OVOL2: variants seen among roughly 807,000 people sequenced by gnomAD.
OVOL2 encodes ovo like zinc finger 2, also known as transcription factor Ovo-like 2.
A neutral mutation model predicts 18.1 loss-of-function variants in OVOL2; 13 were observed. That is an observed-to-expected ratio of 0.72 (90% CI 0.47 to 1.14). The LOEUF (loss-of-function observed/expected upper bound fraction) is 1.14, where lower values mean the gene tolerates loss of function less well. OVOL2 is among the 50% of genes most tolerant of loss of function. The pLI is 0.00. For synonymous variants in OVOL2, 166 were observed against 162.7 expected (o/e 1.02, Z -0.16); for missense variants, 335 against 383.0 (o/e 0.87, Z 1.05).
intron 2 of OVOL2, among the ~76,000 whole-genome samples, chr20:18,053,348 T>A (rs980767276): frequency 1.3e-5 from 2 of 152,152 alleles, no homozygotes; most frequent in African/African-American, 4.8e-5. Context: ...GTCCTCCACT[T>A]TACAGATCAA....
At chr20:18,053,902 C>T (rs2036793423) in intron 2 of OVOL2, among the ~76,000 whole-genome samples, 1 of 152,074 alleles carries the variant, frequency 6.6e-6, no homozygotes, top group Non-Finnish European at 1.5e-5. Flanking sequence ...CTTCAGCCAC[C>T]AGAGCTTCAT....
rs1035429266 is a variant in OVOL2, at chr20:18,056,923, C to A, written c.101-46G>T. The A allele has an allele frequency of 4.2e-6, 6 of 1,438,298 alleles. No individual in the cohort carries two copies. Among genetic ancestry groups the A allele is most frequent in the South Asian group, 1.4e-5 (1 of 70,834 alleles). 89.1% of individuals were successfully genotyped at this position (1,438,298 alleles called of 1,614,324 possible). A position where few individuals can be genotyped will look rare whatever the true frequency, so the allele number is the denominator to read the frequency against. On this transcript the variant is annotated intron_variant, in intron 1 of 3. Transcript: ENST00000278780. The surrounding 1 kb of genome is among the most constrained non-coding windows in gnomAD (Gnocchi z 4.2). ...CCCCGACACACACACTCGGCGTCAA[C>A]CCGCACGCCCGCGGCAGTTTGACCT...
Position 18,041,639 on chromosome 20 carries a change from G to A in OVOL2, c.406C>T (p.Arg136Cys), listed in dbSNP as rs767218587. Residue 136 changes from arginine (R) to cysteine (C), a missense_variant, in exon 3 of 4, where the codon CGT becomes TGT. Transcript: ENST00000278780. ...ACCTGGTTGTGGCACTTGAGGTGAC[G>A]GTTCAGCATGCGCTGCAGACGGAAG... ...KGFRLQRMLN[R>C]HLKCHNQVKR... 3.6e-5 allele frequency: 58 copies of A among 1,613,970 alleles called. 1 individual carries two copies. The Admixed American group carries it at 6.7e-4, about 19-fold the overall frequency.
At chr20:18,043,449 G>A (rs756818162) in intron 2 of OVOL2, among the ~76,000 whole-genome samples, 125 of 152,238 alleles carry the variant, frequency 8.2e-4, no homozygotes, top group Non-Finnish European at 1.3e-3. Flanking sequence ...ATGCTGTGAG[G>A]AAGCCCAAGC....
intron 3 of OVOL2, among the ~76,000 whole-genome samples, chr20:18,036,573 C>T (rs940669625): frequency 6.6e-6 from 1 of 152,262 alleles, no homozygotes; most frequent in South Asian, 2.1e-4. Flanking sequence ...CATTCACTAA[C>T]TTAAATGATT....
At chr20:18,044,280 C>T (rs2036704147) in intron 2 of OVOL2, among the ~76,000 whole-genome samples, 1 of 152,132 alleles carries the variant, frequency 6.6e-6, no homozygotes, top group Non-Finnish European at 1.5e-5. Context: ...TGCTATATTC[C>T]ATCTCATTCC....
At chr20:18,046,827 A>G (rs1343118416) in intron 2 of OVOL2, among the ~76,000 whole-genome samples, 1 of 152,220 alleles carries the variant, frequency 6.6e-6, no homozygotes, top group Non-Finnish European at 1.5e-5. Flanking sequence ...AAAGTTAAAA[A>G]AGAGTTAATC....
intron 2 of OVOL2, among the ~76,000 whole-genome samples, chr20:18,054,078 A>T (rs561570587): frequency 6.6e-6 from 1 of 152,362 alleles, no homozygotes; most frequent in South Asian, 2.1e-4. Context: ...AGCAGAGTTA[A>T]TAATGTTTGT....
At chr20:18,041,852 C>A in intron 2 of OVOL2, 129 bp from the exon 3 acceptor site, 1 of 753,768 alleles carries the variant, frequency 1.3e-6, no homozygotes, top group Non-Finnish European at 2.0e-6. Context: ...AATTTTCAAG[C>A]AGGTTTTGGC....
At chr20:18,030,967 G>T (rs1227383733) in intron 3 of OVOL2, among the ~76,000 whole-genome samples, 1 of 152,138 alleles carries the variant, frequency 6.6e-6, no homozygotes, top group African/African-American at 2.4e-5. Context: ...CATTCAGGGG[G>T]ACGTGGGTGG....
At chr20:18,032,248 G>A (rs1600436249) in intron 3 of OVOL2, among the ~76,000 whole-genome samples, 1 of 147,208 alleles carries the variant, frequency 6.8e-6, no homozygotes, top group African/African-American at 2.5e-5. Context: ...AAGAAGGGAA[G>A]GAAAGAAGAG....
rs1017807537 is a variant in OVOL2 at position 18,056,675 on chromosome 20, G to T, written c.303C>A (p.Val101=). Residue 101 remains valine (V), a synonymous_variant, in exon 2 of 4, where the codon GTC becomes GTA. Coordinates refer to ENST00000278780, the MANE Select transcript of OVOL2 (RefSeq NM_021220.4). This position sits in a 1 kb window ranked among gnomAD's most constrained non-coding sequence, Gnocchi z 4.2. ...ACAGTACCTTGATTTTCGATCTGGC[G>T]ACCGGGCGCTGCTTGGTCGCCAGGT... ...DGHLATKQRP[V]ARSKIKFTTG... is the part of the protein sequence containing the mutation. 7.0e-7 allele frequency: 1 copy of T among 1,430,874 alleles called. No individual in the cohort carries two copies. 88.6% of individuals were successfully genotyped at this position (1,430,874 alleles called of 1,614,324 possible). A position where few individuals can be genotyped will look rare whatever the true frequency, so the allele number is the denominator to read the frequency against.
chr20:18,055,684 TCTCC>T (rs1330957987), intron 2 of OVOL2, among the ~76,000 whole-genome samples: 3 of 151,932 alleles, frequency 2.0e-5, no homozygotes, highest in African/African-American at 7.3e-5. Flanking sequence ...AAGCCCAGGC[TCTCC>T]CTCCCCACCG....
At chr20:18,044,680 G>A (rs1204414396) in intron 2 of OVOL2, among the ~76,000 whole-genome samples, 9 of 152,160 alleles carry the variant, frequency 5.9e-5, no homozygotes, top group Non-Finnish European at 1.3e-4. Flanking sequence ...GGGGGTGCAG[G>A]CAAGTCAACA....
chr20:18,025,936 G>C (rs1360993775), intron 3 of OVOL2, among the ~76,000 whole-genome samples: 1 of 152,272 alleles, frequency 6.6e-6, no homozygotes, highest in East Asian at 1.9e-4. Flanking sequence ...AGGCAGAGGT[G>C]CAGGGGTGGA....
rs528668724 is a variant in OVOL2 at position 18,056,448 on chromosome 20, C to T, written c.321+209G>A. On this transcript the variant is annotated intron_variant, in intron 2 of 3. Transcript: ENST00000278780. The surrounding 1 kb of genome is among the most constrained non-coding windows in gnomAD (Gnocchi z 4.2). Reference sequence around the variant, plus strand: ...GGAGCCCACTCCGGGAACCGGCCGCCCCTGCGCAGCAGCTACCCTGCGGGC... The same window carrying T: ...GGAGCCCACTCCGGGAACCGGCCGCTCCTGCGCAGCAGCTACCCTGCGGGC... Among the ~76,000 whole-genome samples the T allele has an allele frequency of 3.3e-5, 5 of 151,968 alleles. No homozygotes were observed. The highest frequency in any genetic ancestry group is 1.2e-4 in the African/African-American group (5 of 41,420).
chr20:18,046,909 A>G (rs1220399455), intron 2 of OVOL2, among the ~76,000 whole-genome samples: 1 of 152,136 alleles, frequency 6.6e-6, no homozygotes, highest in Admixed American at 6.5e-5. Context: ...TTACAAAACA[A>G]TAGTGGAATA....
chr20:18,058,093 C>T (rs56316303), upstream of OVOL2, among the ~76,000 whole-genome samples: 3,328 of 152,218 alleles, frequency 0.022, 107 homozygotes, highest in African/African-American at 0.076. Context: ...ATTTTTTAAT[C>T]AACCCCCGCC....
chr20:18,049,663 C>A (rs2036755196), intron 2 of OVOL2, among the ~76,000 whole-genome samples: 1 of 151,988 alleles, frequency 6.6e-6, no homozygotes, highest in Non-Finnish European at 1.5e-5. Flanking sequence ...TCTTTATAAA[C>A]CTGAAGAAGA....
Sources: gnomAD v4.1 joint callset for allele counts (sites outside exome capture counted in the v4.1 genomes callset) on GRCh38, gnomAD v4.1.1 for gene constraint, Gnocchi (gnomAD v3.1) non-coding constraint, MANE v1.5 for transcripts, NCBI Gene and HGNC (gene_info 2026-07-23, HGNC 2026-07-21) for gene names.